Variants in ANKFN1 observed in about 807,000 individuals in gnomAD.
ANKFN1 encodes ankyrin repeat and fibronectin type III domain containing 1.
In ANKFN1, 74 loss-of-function variants were observed where a neutral mutation model predicts 108.7. That is an observed-to-expected ratio of 0.68 (90% CI 0.56 to 0.83). The LOEUF (loss-of-function observed/expected upper bound fraction) is 0.83. ANKFN1 is among the 40% of genes least tolerant of loss of function. The probability of loss-of-function intolerance (pLI) is 0.00; values close to 1 mark genes in which losing one functional copy is unlikely to be tolerated. For synonymous variants in ANKFN1, 547 were observed against 516.2 expected, an observed-to-expected ratio of 1.06 and a Z score of -0.81; for missense variants, 1,505 against 1,382.3, an observed-to-expected ratio of 1.09 and a Z score of -1.41.
chr17:56,470,799 T>C (rs2050291369), intron 15 of ANKFN1, among the ~76,000 whole-genome samples: 1 of 152,170 alleles, frequency 6.6e-6, no homozygotes, highest in Admixed American at 6.5e-5. Context: ...CTCTCATTTA[T>C]CTGTGAAAGA....
chr17:56,153,636 G>C, intron 1 of ANKFN1, 106 bp downstream of exon 1: 3 of 1,442,714 alleles, frequency 2.1e-6, no homozygotes, highest in Non-Finnish European at 2.9e-6. Context: ...GAATTCGGGC[G>C]TTAGCTGGTG....
At chr17:56,257,275 G>A (rs960148072) in intron 3 of ANKFN1, among the ~76,000 whole-genome samples, 1 of 152,200 alleles carries the variant, frequency 6.6e-6, no homozygotes, top group African/African-American at 2.4e-5. Context: ...AGAGGGCTAA[G>A]TTAATGATCA....
At chr17:56,220,370 G>A (rs552001246) in intron 2 of ANKFN1, among the ~76,000 whole-genome samples, 1 of 152,150 alleles carries the variant, frequency 6.6e-6, no homozygotes, top group Non-Finnish European at 1.5e-5. Flanking sequence ...TAAAGAAATA[G>A]CTTCTGGATG....
At chr17:56,107,528 G>A (rs1905773994) in intron 4 of ANKFN1, among the ~76,000 whole-genome samples, 1 of 152,158 alleles carries the variant, frequency 6.6e-6, no homozygotes. Flanking sequence ...TTAAGGGGCT[G>A]TGTTTAAGGA....
In ANKFN1 at chr17:56,288,120, A is replaced by T. The variant is rs374002549; in HGVS notation, c.54-38101A>T. ...AATTTTTCCACAATGCACAATTTCC[A>T]TTTTAATTTTTCAAGGAATATATTC... On this transcript the variant is annotated intron_variant, in intron 3 of 20. Transcript: ENST00000682825. Among the ~76,000 whole-genome samples the T allele has an allele frequency of 1.1e-4, 17 of 151,912 alleles. No individual in the cohort carries two copies. The East Asian group carries it at 2.5e-3, about 22-fold the overall frequency.
At chr17:56,441,549 A>T (rs2049105756) in intron 9 of ANKFN1, among the ~76,000 whole-genome samples, 1 of 152,186 alleles carries the variant, frequency 6.6e-6, no homozygotes, top group Non-Finnish European at 1.5e-5. Flanking sequence ...TCAGTAGAAG[A>T]CTGATTCCAA....
At chr17:56,123,825 GA>G (rs1906764639) in intron 4 of ANKFN1, among the ~76,000 whole-genome samples, 1 of 138,886 alleles carries the variant, frequency 7.2e-6, no homozygotes, top group Non-Finnish European at 1.6e-5. Flanking sequence ...GTGTGTGTGT[GA>G]CAGAGAGAGA....
intron 18 of ANKFN1, among the ~76,000 whole-genome samples, chr17:56,483,445 C>G (rs879788166): frequency 6.6e-6 from 1 of 152,192 alleles, no homozygotes; most frequent in Non-Finnish European, 1.5e-5. Flanking sequence ...CTCATTTGAG[C>G]CCTGGGCAAC....
chr17:56,409,188 G>A (rs1309950827), intron 8 of ANKFN1, among the ~76,000 whole-genome samples: 1 of 152,224 alleles, frequency 6.6e-6, no homozygotes, highest in Non-Finnish European at 1.5e-5. Flanking sequence ...GACTCCCAAA[G>A]TGCTGGGATT....
chr17:56,328,487 A>G (rs1223116898), intron 4 of ANKFN1, among the ~76,000 whole-genome samples: 1 of 152,208 alleles, frequency 6.6e-6, no homozygotes, highest in African/African-American at 2.4e-5. Context: ...GAATGTATTA[A>G]ATTGTTTCTA....
chr17:56,219,638 A>T lies in ANKFN1; in HGVS notation c.12+6959A>T, dbSNP rs142535069. Among the ~76,000 whole-genome samples, 63 of 152,340 alleles carry T rather than the reference A, an allele frequency of 4.1e-4. 1 individual carries two copies. The East Asian group carries it at 8.7e-3, about 21-fold the overall frequency. ...TTTCTGAGAATGCCATGTTTAAGTG[A>T]ATTTCTTAGTGTCTCTATCCTGAAG... On this transcript the variant is annotated intron_variant, in intron 2 of 20. Coordinates refer to ENST00000682825, the MANE Select transcript of ANKFN1 (RefSeq NM_001370326.1).
At chr17:56,092,025 T>C (rs1403192896) in intron 4 of ANKFN1, among the ~76,000 whole-genome samples, 1 of 151,324 alleles carries the variant, frequency 6.6e-6, no homozygotes, top group African/African-American at 2.4e-5. Flanking sequence ...TGCAACAAGA[T>C]ATGTAAAAGA....
intron 3 of ANKFN1, among the ~76,000 whole-genome samples, chr17:56,256,219 G>T (rs899839302): frequency 6.6e-6 from 1 of 152,082 alleles, no homozygotes. Context: ...AAAAACTCAA[G>T]TCAAGCCATT....
intron 1 of ANKFN1, among the ~76,000 whole-genome samples, chr17:56,173,941 T>C (rs1347517978): frequency 2.0e-5 from 3 of 152,210 alleles, no homozygotes; most frequent in Non-Finnish European, 4.4e-5. Context: ...TGGCTGACAT[T>C]CTCCACAATC....
At chr17:56,182,633 G>C (rs1416378491) in intron 1 of ANKFN1, among the ~76,000 whole-genome samples, 1 of 152,204 alleles carries the variant, frequency 6.6e-6, no homozygotes, top group Non-Finnish European at 1.5e-5. Context: ...GAGGCAGCAA[G>C]TGCTGATGGA....
chr17:56,139,765 G>C (rs1253524813), intron 4 of ANKFN1, among the ~76,000 whole-genome samples: 1 of 152,064 alleles, frequency 6.6e-6, no homozygotes, highest in Non-Finnish European at 1.5e-5. Context: ...ATTCTCCGTA[G>C]CCTCATTGCA....
chr17:56,475,135 T>C (rs574935452), intron 15 of ANKFN1, among the ~76,000 whole-genome samples: 3 of 152,172 alleles, frequency 2.0e-5, no homozygotes, highest in African/African-American at 7.2e-5. Context: ...CACAAAGCAA[T>C]GAAAAACATA....
intron 1 of ANKFN1, among the ~76,000 whole-genome samples, chr17:56,204,311 G>T (rs1197964074): frequency 1.3e-5 from 2 of 150,884 alleles, no homozygotes; most frequent in Non-Finnish European, 3.0e-5. Context: ...CCTCCCAAGT[G>T]CTGGGATTAC....
At chr17:56,341,890 T>C (rs999622071) in intron 4 of ANKFN1, among the ~76,000 whole-genome samples, 11 of 152,086 alleles carry the variant, frequency 7.2e-5, no homozygotes, top group African/African-American at 2.7e-4. Context: ...ATACCAGCTT[T>C]TCTTTGTACA....
Sources: allele counts gnomAD v4.1 joint callset (sites outside exome capture counted in the v4.1 genomes callset), GRCh38; gene constraint gnomAD v4.1.1; transcripts MANE v1.5; gene names NCBI Gene and HGNC (gene_info 2026-07-23, HGNC 2026-07-21).